Variants in ABR observed in about 807,000 individuals in gnomAD.
ABR encodes active breakpoint cluster region-related protein.
In ABR, 35 loss-of-function variants were observed where a neutral mutation model predicts 107.2. The ratio of observed to expected loss-of-function variants is 0.33; its 90% CI spans 0.25 to 0.43. The LOEUF (loss-of-function observed/expected upper bound fraction) is 0.43, where lower values mean the gene tolerates loss of function less well. Among genes scored for constraint, ABR ranks in the 20% least tolerant of loss-of-function variants. ABR has a pLI of 1.00. For missense variants in ABR, 815 were observed against 1,115.2 expected (o/e 0.73, Z 3.83); for synonymous variants, 498 against 462.0 (o/e 1.08, Z -1.00).
intron 16 of ABR, among the ~76,000 whole-genome samples, chr17:1,033,266 T>G (rs772201571): frequency 6.6e-6 from 1 of 152,178 alleles, no homozygotes; most frequent in African/African-American, 2.4e-5. Context: ...TTTTGAGGAA[T>G]AGGTGGCTTC....
chr17:1,204,358 T>C (rs929471349), intron 1 of ABR, among the ~76,000 whole-genome samples: 1 of 152,162 alleles, frequency 6.6e-6, no homozygotes, highest in Non-Finnish European at 1.5e-5. Flanking sequence ...GGCAGGAGAA[T>C]CGCTTGAACC....
chr17:1,032,844 TCGGACCTCTG>T (rs1428014881), intron 16 of ABR, among the ~76,000 whole-genome samples: 2 of 152,200 alleles, frequency 1.3e-5, no homozygotes, highest in Non-Finnish European at 2.9e-5. Context: ...GTCTGGGGCC[TCGGACCTCTG>T]CAGACCCCAG....
At position 1,037,668 on chromosome 17, in the gene ABR, C is replaced by T. The variant is rs540596801; in HGVS notation, c.1791+12382G>A. Among the ~76,000 whole-genome samples, 2 of 152,152 alleles carry T rather than the reference C, an allele frequency of 1.3e-5. No individual in the cohort carries two copies. Among genetic ancestry groups the T allele is most frequent in the African/African-American group, 2.4e-5 (1 of 41,438 alleles). ...TGGGCTGCTTGCCTGCTCCTCCTCC[C>T]GGGAAGGAGGGGGTGTGGCCGGGTC... On this transcript the variant is annotated intron_variant, in intron 16 of 22. Coordinates refer to ENST00000302538, the MANE Select transcript of ABR (RefSeq NM_021962.5). The surrounding 1 kb of genome is among the most constrained non-coding windows in gnomAD (Gnocchi z 4.6).
chr17:1,185,880 G>A (rs2042280855), intron 1 of ABR, among the ~76,000 whole-genome samples: 1 of 151,632 alleles, frequency 6.6e-6, no homozygotes, highest in Non-Finnish European at 1.5e-5. Flanking sequence ...CTTATTGCCT[G>A]GCTGGAGTGC....
chr17:1,050,720 C>T lies in ABR; in HGVS notation c.1562-86G>A, dbSNP rs935270822. ...CGGCACTCAGGATGGAGGGGGACAT[C>T]GCATCTGTCCTTTCCAACGTCCCCA... On this transcript the variant is annotated intron_variant, in intron 14 of 22. Coordinates refer to ENST00000302538, the MANE Select transcript of ABR (RefSeq NM_021962.5). This position sits in a 1 kb window ranked among gnomAD's most constrained non-coding sequence, Gnocchi z 4.6. The T allele has an allele frequency of 7.9e-5, 83 of 1,053,706 alleles. No individual in the cohort carries two copies. The highest frequency in any genetic ancestry group is 1.4e-4 in the Admixed American group (8 of 55,866). 65.3% of individuals were successfully genotyped at this position (1,053,706 alleles called of 1,614,324 possible).
chr17:1,126,430 CCT>C (rs887992260), intron 1 of ABR: 1 of 152,370 alleles, frequency 6.6e-6, no homozygotes, highest in Non-Finnish European at 1.5e-5. Context: ...GGTGGACACC[CCT>C]CTCACACTCA....
At chr17:1,156,502 G>C (rs1180941100) in intron 1 of ABR, among the ~76,000 whole-genome samples, 2 of 152,056 alleles carry the variant, frequency 1.3e-5, no homozygotes, top group Non-Finnish European at 2.9e-5. Flanking sequence ...TGGCCAACGT[G>C]GTGAAAACTC....
rs545269194 is a variant in ABR, at chr17:1,021,335, C to T, written c.1792-8171G>A. ...CCTCAGGAGCCCACTCGGTCACTCCCACCGCCCAGGAGCTGACCCCCCGAG... is the reference window on the plus strand; with the variant it reads ...CCTCAGGAGCCCACTCGGTCACTCCTACCGCCCAGGAGCTGACCCCCCGAG... On this transcript the variant is annotated intron_variant, in intron 16 of 22. Transcript: ENST00000302538. Among the ~76,000 whole-genome samples the T allele has an allele frequency of 3.9e-5, 6 of 152,326 alleles. No individual in the cohort carries two copies. The South Asian group carries it at 1.2e-3, about 32-fold the overall frequency.
intron 1 of ABR, among the ~76,000 whole-genome samples, chr17:1,209,333 G>C (rs1261072389): frequency 6.6e-6 from 1 of 151,656 alleles, no homozygotes; most frequent in Non-Finnish European, 1.5e-5. Flanking sequence ...CTGGAGTGCA[G>C]TGGTGTGATC....
chr17:1,031,534 G>GGC, intron 16 of ABR: 1 of 147,458 alleles, frequency 6.8e-6, no homozygotes, highest in Non-Finnish European at 1.3e-5. Context: ...AGCCCCCGCA[G>GGC]CCCCCCGAGC....
At position 1,026,334 on chromosome 17, in the gene ABR, G is replaced by A. The variant is rs142670380; in HGVS notation, c.1792-13170C>T. 2.9e-3 allele frequency among the ~76,000 whole-genome samples: 445 copies of A among 152,342 alleles called. 1 individual carries two copies. Among genetic ancestry groups the A allele is most frequent in the African/African-American group, 0.01 (424 of 41,582 alleles). ...ATGAGCCTGAGGGGCTGGGGACCCC[G>A]GAGGCCTCCCCGAGCACAGCCACGG... is the stretch of plus-strand genomic sequence containing the variant. On this transcript the variant is annotated intron_variant, in intron 16 of 22. Coordinates refer to ENST00000302538, the MANE Select transcript of ABR (RefSeq NM_021962.5).
intron 14 of ABR, among the ~76,000 whole-genome samples, chr17:1,052,087 A>C: frequency 6.6e-6 from 1 of 150,924 alleles, no homozygotes; most frequent in Non-Finnish European, 1.5e-5. Flanking sequence ...AAAAAAAACC[A>C]AAAAAACCAG....
In ABR at chr17:1,067,137, G is replaced by C. The variant is rs751551730; in HGVS notation, c.1122C>G (p.Asp374Glu). ...EASPQVHPFPDHELEDMKMKI... is the reference protein window; with the variant it reads ...EASPQVHPFPEHELEDMKMKI... ...TCATCTTCATGTCCTCCAGCTCATG[G>C]TCTGGGAAGGGGTGCACCTGGGGGC... Residue 374 changes from aspartate (D) to glutamate (E), a missense_variant, in exon 10 of 23, where the codon GAC (aspartate) becomes GAG (glutamate). By Grantham distance (45) the Asp-to-Glu change is conservative. Transcript: ENST00000302538. The C allele has an allele frequency of 6.2e-7, 1 of 1,613,904 alleles. No individual in the cohort carries two copies. The highest frequency in any genetic ancestry group is 2.2e-5 in the East Asian group (1 of 44,872).
At chr17:1,104,747 T>G (rs1020711495) in intron 2 of ABR, among the ~76,000 whole-genome samples, 5 of 152,240 alleles carry the variant, frequency 3.3e-5, no homozygotes, top group African/African-American at 1.2e-4. Flanking sequence ...TTCAGCTGCT[T>G]CCTTGGCAGA....
chr17:1,153,911 G>T (rs1444185357), intron 1 of ABR: 1 of 186,784 alleles, frequency 5.4e-6, no homozygotes, highest in Non-Finnish European at 1.1e-5. Context: ...TCACTGGTTT[G>T]AAGCCTGGTG....
At chr17:1,101,544 G>A (rs2037865863) in intron 2 of ABR, among the ~76,000 whole-genome samples, 1 of 152,066 alleles carries the variant, frequency 6.6e-6, no homozygotes, top group South Asian at 2.1e-4. Context: ...CCCGATGCTT[G>A]CCAAGGACCG....
intron 1 of ABR, among the ~76,000 whole-genome samples, chr17:1,194,586 G>A (rs2150701776): frequency 7.8e-6 from 1 of 128,758 alleles, no homozygotes; most frequent in Non-Finnish European, 1.7e-5. Flanking sequence ...CGACCTCCCA[G>A]GCTCAAGCCA....
chr17:1,166,644 C>T lies in ABR; in HGVS notation c.61+13023G>A, dbSNP rs139865017. Among the ~76,000 whole-genome samples the T allele has an allele frequency of 8.3e-3, 1,270 of 152,328 alleles. 11 individuals are homozygous for T. Among genetic ancestry groups the T allele is most frequent in the Non-Finnish European group, 0.013 (894 of 68,028 alleles). On this transcript the variant is annotated intron_variant, in intron 1 of 22. Transcript: ENST00000302538. ...ACGAAGGCTTGGAGGGCAGATGCTG[C>T]AGGCGCCTGGTCCTTCCCATCCAGT...
chr17:1,010,958 C>T lies in ABR; in HGVS notation c.2102-95G>A. 6.6e-7 allele frequency: 1 copy of T among 1,523,942 alleles called. No homozygotes were observed. Among genetic ancestry groups the T allele is most frequent in the Non-Finnish European group, 8.9e-7 (1 of 1,120,328 alleles). The allele number at this position is 1,523,942 out of a possible 1,614,324, so 94.4% of individuals were successfully genotyped here. A position where few individuals can be genotyped will look rare whatever the true frequency, so the allele number is the denominator to read the frequency against. ...CTGACACAGCCCCCACCCACTCCAG[C>T]TCTGGTTCTGGTCTCCCCTGGAAGA... On this transcript the variant is annotated intron_variant, in intron 19 of 22. Transcript: ENST00000302538. The surrounding 1 kb of genome is among the most constrained non-coding windows in gnomAD (Gnocchi z 4.1).
Sources: gnomAD v4.1 joint callset for allele counts (sites outside exome capture counted in the v4.1 genomes callset) on GRCh38, gnomAD v4.1.1 for gene constraint, Gnocchi (gnomAD v3.1) non-coding constraint, MANE v1.5 for transcripts, NCBI Gene and HGNC (gene_info 2026-07-23, HGNC 2026-07-21) for gene names.